CDH10: variants seen among roughly 807,000 people sequenced by gnomAD.
The protein encoded by CDH10 is cadherin 10, also known as cadherin-10.
Under a neutral mutation model 73.1 loss-of-function variants are expected in CDH10, and 30 were observed. The observed-to-expected ratio is 0.41, with a 90% CI of 0.31 to 0.56. CDH10 has a LOEUF of 0.56. Among genes scored for constraint, CDH10 ranks in the 20% least tolerant of loss-of-function variants. The pLI is 0.27. For synonymous variants in CDH10, 345 were observed against 348.2 expected (o/e 0.99, Z 0.10); for missense variants, 815 against 973.7 (o/e 0.84, Z 2.17).
intron 7 of CDH10, among the ~76,000 whole-genome samples, chr5:24,506,299 T>G (rs2111733438): frequency 6.6e-6 from 1 of 152,296 alleles, no homozygotes; most frequent in South Asian, 2.1e-4. Context: ...AAAACTAGAT[T>G]AACATTCTGG....
intron 2 of CDH10, among the ~76,000 whole-genome samples, chr5:24,557,523 A>C (rs1348683083): frequency 6.6e-6 from 1 of 151,804 alleles, no homozygotes; most frequent in Non-Finnish European, 1.5e-5. Context: ...TTCACATAAC[A>C]ATAAAGATAA....
chr5:24,563,254 T>C (rs975980231), intron 2 of CDH10, among the ~76,000 whole-genome samples: 1 of 152,076 alleles, frequency 6.6e-6, no homozygotes, highest in Non-Finnish European at 1.5e-5. Flanking sequence ...GTTTGATGTT[T>C]CCTCATGTTT....
chr5:24,491,875 T>C lies in CDH10; in HGVS notation c.1625-48A>G, dbSNP rs1198507444. On this transcript the variant is annotated intron_variant, in intron 10 of 11. Transcript: ENST00000264463. ...ACAAATGGTTTGGGATAGTAAATTTTTCCCAATGTGATCACCAAGGTTTAA... is the reference window on the plus strand; with the variant it reads ...ACAAATGGTTTGGGATAGTAAATTTCTCCCAATGTGATCACCAAGGTTTAA... The C allele has an allele frequency of 3.9e-6, 5 of 1,266,544 alleles. No homozygotes were observed. In the East Asian group the frequency reaches 1.2e-4, roughly 31 times the overall value. The allele number at this position is 1,266,544 out of a possible 1,614,324, so 78.5% of individuals were successfully genotyped here.
intron 1 of CDH10, among the ~76,000 whole-genome samples, chr5:24,614,159 CA>C (rs1375206029): frequency 1.3e-5 from 2 of 152,014 alleles, no homozygotes; most frequent in African/African-American, 2.4e-5. Context: ...ATGATGGATC[CA>C]AAAATGTTAA....
At chr5:24,576,078 T>C (rs7738024) in intron 2 of CDH10, among the ~76,000 whole-genome samples, 57,857 of 152,032 alleles carry the variant, frequency 0.38, 13,409 homozygotes, top group East Asian at 0.54. Flanking sequence ...AACATTTTTA[T>C]GTATTTTTAT....
intron 1 of CDH10, among the ~76,000 whole-genome samples, chr5:24,605,152 C>A (rs1746714824): frequency 6.6e-6 from 1 of 152,126 alleles, no homozygotes; most frequent in Non-Finnish European, 1.5e-5. Context: ...AAAATGAAGA[C>A]CGCAATGCAC....
At chr5:24,613,282 A>C (rs1300130714) in intron 1 of CDH10, 2 of 152,100 alleles carry the variant, frequency 1.3e-5, no homozygotes, top group African/African-American at 4.8e-5. Flanking sequence ...AAAACTCAGG[A>C]AAAACAATGC....
At chr5:24,538,044 AT>A (rs770408448) in intron 2 of CDH10, among the ~76,000 whole-genome samples, 19 of 152,032 alleles carry the variant, frequency 1.2e-4, no homozygotes, top group Non-Finnish European at 2.4e-4. Flanking sequence ...ATGAAAGATT[AT>A]TTTATTCTTA....
chr5:24,547,847 A>G (rs899895524), intron 2 of CDH10, among the ~76,000 whole-genome samples: 16 of 152,336 alleles, frequency 1.1e-4, no homozygotes, highest in African/African-American at 3.4e-4. Flanking sequence ...ACAAATGGCC[A>G]TCGCTCAGGA....
intron 6 of CDH10, among the ~76,000 whole-genome samples, chr5:24,510,349 G>GA (rs1279560334): frequency 6.6e-6 from 1 of 152,018 alleles, no homozygotes; most frequent in African/African-American, 2.4e-5. Flanking sequence ...TCTGTAATAA[G>GA]AAAAAATTTT....
At chr5:24,518,113 G>A (rs1743177629) in intron 5 of CDH10, among the ~76,000 whole-genome samples, 1 of 152,184 alleles carries the variant, frequency 6.6e-6, no homozygotes. Context: ...GGGAGATTCT[G>A]TGTACAGACA....
chr5:24,632,211 A>G (rs1747724700), intron 1 of CDH10, among the ~76,000 whole-genome samples: 1 of 152,040 alleles, frequency 6.6e-6, no homozygotes, highest in African/African-American at 2.4e-5. Context: ...TTCTTTCTAT[A>G]TTTATGATCC....
intron 5 of CDH10, among the ~76,000 whole-genome samples, chr5:24,534,145 A>G (rs187449326): frequency 7.1e-4 from 108 of 152,218 alleles, no homozygotes; most frequent in African/African-American, 2.4e-3. Flanking sequence ...CCTTTAATAT[A>G]AAGATAAATA....
chr5:24,581,911 T>C (rs1222914840), intron 2 of CDH10, among the ~76,000 whole-genome samples: 1 of 152,086 alleles, frequency 6.6e-6, no homozygotes, highest in African/African-American at 2.4e-5. Flanking sequence ...ATTACTGATA[T>C]TGAGAAAAAT....
chr5:24,591,077 T>G (rs1746184507), intron 2 of CDH10, among the ~76,000 whole-genome samples: 1 of 152,070 alleles, frequency 6.6e-6, no homozygotes, highest in Admixed American at 6.6e-5. Flanking sequence ...TAGCCTCAAG[T>G]TATATTTATT....
intron 2 of CDH10, among the ~76,000 whole-genome samples, chr5:24,538,788 G>T (rs973445886): frequency 9.9e-5 from 15 of 152,004 alleles, no homozygotes; most frequent in African/African-American, 3.6e-4. Context: ...ACAGGCAGTT[G>T]CCAGATGGGT....
intron 4 of CDH10, 141 bp from the exon 5 acceptor site, chr5:24,535,420 T>A: frequency 1.2e-6 from 1 of 829,008 alleles, no homozygotes; most frequent in Non-Finnish European, 1.9e-6. Context: ...CTAGAAATTA[T>A]AAAAGTGATT....
intron 5 of CDH10, among the ~76,000 whole-genome samples, chr5:24,514,842 A>G (rs1312195063): frequency 6.6e-6 from 1 of 151,138 alleles, no homozygotes; most frequent in Non-Finnish European, 1.5e-5. Flanking sequence ...GGAATATTTA[A>G]CAAAACAAAT....
chr5:24,523,460 A>G (rs1306855112), intron 5 of CDH10, among the ~76,000 whole-genome samples: 8 of 152,152 alleles, frequency 5.3e-5, no homozygotes, highest in Admixed American at 5.2e-4. Flanking sequence ...TGATAAAAAA[A>G]TTACCATATC....
Sources: allele counts gnomAD v4.1 joint callset (sites outside exome capture counted in the v4.1 genomes callset), GRCh38; gene constraint gnomAD v4.1.1; transcripts MANE v1.5; gene names NCBI Gene and HGNC (gene_info 2026-07-23, HGNC 2026-07-21).